The following ABHD12B variants were observed in gnomAD, a reference collection of about 807,000 sequenced individuals.
ABHD12B encodes the protein abhydrolase domain containing 12B.
Under a neutral mutation model 50.4 loss-of-function variants are expected in ABHD12B, and 42 were observed. The observed-to-expected ratio is 0.83, with a 90% CI of 0.65 to 1.08. The LOEUF is 1.08. Among genes scored for constraint, ABHD12B ranks in the 50% least tolerant of loss-of-function variants. The probability of loss-of-function intolerance (pLI) is 0.00; values close to 1 mark genes in which losing one functional copy is unlikely to be tolerated. For missense variants in ABHD12B, 479 were observed against 447.7 expected, an observed-to-expected ratio of 1.07 and a Z score of -0.63; for synonymous variants, 167 against 160.3, an observed-to-expected ratio of 1.04 and a Z score of -0.32.
intron 4 of ABHD12B, 58 bp downstream of exon 4, chr14:50,880,629 T>TG: frequency 6.8e-7 from 1 of 1,471,774 alleles, no homozygotes; most frequent in South Asian, 1.5e-5. Context: ...TTCAGCCCCA[T>TG]GGGGGAATGA....
At chr14:50,879,812 G>A (rs911453435) in intron 3 of ABHD12B, among the ~76,000 whole-genome samples, 1 of 152,208 alleles carries the variant, frequency 6.6e-6, no homozygotes, top group Admixed American at 6.5e-5. Flanking sequence ...CAGAGGCCCT[G>A]GGGATGATGG....
At chr14:50,889,572 A>G (rs2050089606) in intron 9 of ABHD12B, among the ~76,000 whole-genome samples, 1 of 152,192 alleles carries the variant, frequency 6.6e-6, no homozygotes, top group Admixed American at 6.5e-5. Flanking sequence ...CGGGAGGCAG[A>G]GGTTGCAGTG....
intron 5 of ABHD12B, among the ~76,000 whole-genome samples, chr14:50,884,868 C>T (rs1415668495): frequency 6.6e-6 from 1 of 151,812 alleles, no homozygotes; most frequent in Non-Finnish European, 1.5e-5. Flanking sequence ...GTGTGCACCA[C>T]CACACCCAAC....
intron 1 of ABHD12B, among the ~76,000 whole-genome samples, chr14:50,872,708 C>A (rs1868389967): frequency 6.6e-6 from 1 of 152,184 alleles, no homozygotes; most frequent in African/African-American, 2.4e-5. Context: ...AAGGGCCTAT[C>A]TGTGTAGGTG....
intron 7 of ABHD12B, among the ~76,000 whole-genome samples, chr14:50,886,377 T>G (rs925149463): frequency 3.3e-5 from 5 of 150,088 alleles, no homozygotes; most frequent in Non-Finnish European, 7.4e-5. Context: ...GAGGTAGAGG[T>G]TGCAGTGAGC....
At chr14:50,873,965 G>A (rs993194091) in intron 1 of ABHD12B, among the ~76,000 whole-genome samples, 1 of 152,148 alleles carries the variant, frequency 6.6e-6, no homozygotes, top group African/African-American at 2.4e-5. Context: ...GTCTTCATCT[G>A]AGCAGAAGAT....
At chr14:50,888,419 G>T (rs1429102705) in intron 8 of ABHD12B, among the ~76,000 whole-genome samples, 2 of 152,064 alleles carry the variant, frequency 1.3e-5, no homozygotes, top group African/African-American at 2.4e-5. Flanking sequence ...GGCCAGGATG[G>T]TCTCCATCTC....
intron 9 of ABHD12B, among the ~76,000 whole-genome samples, chr14:50,889,560 C>T (rs985047779): frequency 6.6e-6 from 1 of 152,214 alleles, no homozygotes; most frequent in Non-Finnish European, 1.5e-5. Context: ...GTCGCTTGAA[C>T]CCGGGAGGCA....
chr14:50,875,481 T>C (rs2049848595), intron 1 of ABHD12B, among the ~76,000 whole-genome samples: 1 of 152,226 alleles, frequency 6.6e-6, no homozygotes, highest in African/African-American at 2.4e-5. Flanking sequence ...CCAGTAAGAA[T>C]CATCCAGTTA....
chr14:50,878,445 G>T (rs894501654), intron 2 of ABHD12B, among the ~76,000 whole-genome samples: 1 of 152,144 alleles, frequency 6.6e-6, no homozygotes, highest in Non-Finnish European at 1.5e-5. Context: ...CCTTCTTAGG[G>T]GAATGGTCTC....
intron 9 of ABHD12B, among the ~76,000 whole-genome samples, chr14:50,897,187 C>T (rs924022783): frequency 2.0e-5 from 3 of 151,704 alleles, no homozygotes; most frequent in Non-Finnish European, 4.4e-5. Flanking sequence ...ATTCTCCTGC[C>T]CCACCCTCCC....
intron 5 of ABHD12B, among the ~76,000 whole-genome samples, chr14:50,884,740 A>T (rs7144337): frequency 7.3e-6 from 1 of 137,766 alleles, no homozygotes. Flanking sequence ...TTTTTGAGAC[A>T]GAGTCTCTGT....
intron 9 of ABHD12B, among the ~76,000 whole-genome samples, chr14:50,897,469 C>T (rs1029265440): frequency 6.6e-6 from 1 of 152,192 alleles, no homozygotes; most frequent in South Asian, 2.1e-4. Context: ...GACTTAAAGT[C>T]AACTTTGTCC....
rs10648046 is a variant in ABHD12B at position 50,882,973 on chromosome 14, C to CAA, written c.486+1362_486+1363dup. On this transcript the variant is annotated intron_variant, in intron 5 of 12. Transcript: ENST00000337334. ...ATGACAGAGTGAGGAGACCCTGACT[C>CAA]AAAAAAAAAAAAAAAAGTCATTGAA... 2.2e-3 allele frequency among the ~76,000 whole-genome samples: 249 copies of CAA among 112,878 alleles called. 12 individuals carry two copies. The highest frequency in any genetic ancestry group is 6.6e-3 in the African/African-American group (195 of 29,434). The allele number at this position is 112,878 out of a possible 152,430, so 74.1% of individuals were successfully genotyped here.
chr14:50,873,208 C>T (rs897350452), intron 1 of ABHD12B, among the ~76,000 whole-genome samples: 43 of 149,778 alleles, frequency 2.9e-4, no homozygotes, highest in Non-Finnish European at 4.1e-4. Flanking sequence ...GGGATCTTTT[C>T]TCTCTCTCTC....
In ABHD12B at chr14:50,873,542, T is replaced by C. The variant is rs1266500011; in HGVS notation, c.104+1264T>C. Among the ~76,000 whole-genome samples, 4 of 152,190 alleles carry C rather than the reference T, an allele frequency of 2.6e-5. 1 individual carries two copies. The East Asian group carries it at 7.7e-4, about 29-fold the overall frequency. Reference sequence around the variant, plus strand: ...TCTCTTCTATTCCTTTTTATTCTCATTGCAGACAGCAGAGTGCTGGCAGCT... The same window carrying C: ...TCTCTTCTATTCCTTTTTATTCTCACTGCAGACAGCAGAGTGCTGGCAGCT... On this transcript the variant is annotated intron_variant, in intron 1 of 12. Transcript: ENST00000337334.
chr14:50,893,022 T>C (rs2050139775), intron 9 of ABHD12B: 1 of 152,248 alleles, frequency 6.6e-6, no homozygotes, highest in Non-Finnish European at 1.5e-5. Flanking sequence ...TTTTGAAATT[T>C]GTTGAGACTC....
At chr14:50,880,740 G>C (rs1373986744) in intron 4 of ABHD12B, among the ~76,000 whole-genome samples, 169 bp downstream of exon 4, 1 of 152,166 alleles carries the variant, frequency 6.6e-6, no homozygotes, top group East Asian at 1.9e-4. Context: ...CACTTAAAAA[G>C]ATTATTCTAT....
intron 9 of ABHD12B, chr14:50,891,169 T>C (rs2142752480): frequency 6.6e-6 from 1 of 152,328 alleles, no homozygotes; most frequent in Non-Finnish European, 1.5e-5. Flanking sequence ...CATTAGAACA[T>C]TATTTTTATT....
Sources: gnomAD v4.1 joint callset for allele counts (sites outside exome capture counted in the v4.1 genomes callset) on GRCh38, gnomAD v4.1.1 for gene constraint, MANE v1.5 for transcripts, NCBI Gene and HGNC (gene_info 2026-07-23, HGNC 2026-07-21) for gene names.